Variants in SCAI observed in about 807,000 individuals in gnomAD.
SCAI encodes the protein suppressor of cancer cell invasion, also known as protein SCAI.
In SCAI, 24 loss-of-function variants were observed where a neutral mutation model predicts 92.2. The ratio of observed to expected loss-of-function variants is 0.26; its 90% confidence interval spans 0.19 to 0.37. The LOEUF (loss-of-function observed/expected upper bound fraction) is 0.37, where lower values mean the gene tolerates loss of function less well. Among genes scored for constraint, SCAI ranks in the 10% least tolerant of loss-of-function variants. The pLI, the probability that SCAI is intolerant of heterozygous loss-of-function variation, is 1.00. For synonymous variants in SCAI, 261 were observed against 258.6 expected (o/e 1.01, Z -0.09); for missense variants, 450 against 736.2 (o/e 0.61, Z 4.50).
At chr9:125,124,776 G>A (rs1486020514) in intron 2 of SCAI, among the ~76,000 whole-genome samples, 1 of 152,166 alleles carries the variant, frequency 6.6e-6, no homozygotes, top group Non-Finnish European at 1.5e-5. Flanking sequence ...TAACTGACTT[G>A]GCTCTATTTT....
chr9:125,010,011 G>A (rs959519547), intron 9 of SCAI, among the ~76,000 whole-genome samples: 15 of 152,172 alleles, frequency 9.9e-5, no homozygotes, highest in South Asian at 2.1e-4. Context: ...TGGTTAACAC[G>A]GTGAAACCCT....
intron 2 of SCAI, among the ~76,000 whole-genome samples, chr9:125,066,782 C>T (rs963891747): frequency 1.7e-4 from 26 of 152,020 alleles, no homozygotes; most frequent in African/African-American, 6.3e-4. Context: ...TGCAGTTGTG[C>T]TTGGAACCAT....
At chr9:125,055,234 T>C (rs1833637759) in intron 3 of SCAI, among the ~76,000 whole-genome samples, 1 of 152,212 alleles carries the variant, frequency 6.6e-6, no homozygotes, top group African/African-American at 2.4e-5. Flanking sequence ...TGTTTATCCC[T>C]AGAATTTTAC....
Position 124,945,884 on chromosome 9 carries a change from A to G in SCAI, c.*6923T>C, listed in dbSNP as rs1022119912. On this transcript the variant is annotated 3_prime_UTR_variant, in exon 18 of 18. Transcript: ENST00000336505. The stretch of plus-strand genomic sequence containing the variant: ...ATCACTTTTTTTTTTAAGTGGTCCC[A>G]TTATCCAGGAAAGACTGAGAGGTAC... The G allele has an allele frequency of 1.3e-5, 2 of 152,114 alleles. No homozygotes were observed. Among genetic ancestry groups the G allele is most frequent in the African/African-American group, 4.8e-5 (2 of 41,428 alleles). 9.4% of individuals were successfully genotyped at this position (152,114 alleles called of 1,614,324 possible). A position where few individuals can be genotyped will look rare whatever the true frequency, so the allele number is the denominator to read the frequency against.
chr9:125,047,537 A>G (rs893027791), intron 3 of SCAI, among the ~76,000 whole-genome samples: 2 of 152,238 alleles, frequency 1.3e-5, no homozygotes, highest in African/African-American at 4.8e-5. Flanking sequence ...GCAAGCTATT[A>G]GCATCTATGT....
chr9:125,141,775 T>G (rs1588261288), intron 2 of SCAI, among the ~76,000 whole-genome samples: 1 of 151,770 alleles, frequency 6.6e-6, no homozygotes, highest in African/African-American at 2.4e-5. Context: ...TGCATGATTT[T>G]GGGTAAATAT....
At chr9:124,965,085 C>A (rs1831513067) in intron 17 of SCAI, among the ~76,000 whole-genome samples, 1 of 150,966 alleles carries the variant, frequency 6.6e-6, no homozygotes, top group Non-Finnish European at 1.5e-5. Context: ...CTCGTGTTAT[C>A]TTAACATTTT....
intron 3 of SCAI, among the ~76,000 whole-genome samples, chr9:125,035,471 G>C (rs1833175718): frequency 6.6e-6 from 1 of 152,170 alleles, no homozygotes; most frequent in African/African-American, 2.4e-5. Context: ...CATCAATATG[G>C]TGTATGGATG....
At chr9:125,131,407 CA>C (rs200932061) in intron 2 of SCAI, among the ~76,000 whole-genome samples, 3,309 of 63,304 alleles carry the variant, frequency 0.052, 113 homozygotes, top group East Asian at 0.32. Flanking sequence ...GACTCCGTCT[CA>C]AAAAAAAAAA....
intron 2 of SCAI, among the ~76,000 whole-genome samples, chr9:125,069,918 G>A (rs1447047667): frequency 2.0e-5 from 3 of 152,016 alleles, no homozygotes; most frequent in South Asian, 2.1e-4. Context: ...CACCGTGCCC[G>A]GCCATGAGCT....
At chr9:125,039,385 C>CAAAAAAAAAAAAAAAAAAAGA (rs1833270209) in intron 3 of SCAI, among the ~76,000 whole-genome samples, 1 of 48,356 alleles carries the variant, frequency 2.1e-5, no homozygotes, top group African/African-American at 8.6e-5. Context: ...GACTCCATCT[C>CAAAAAAAAAAAAAAAAAAAGA]AAAAAAAAAA....
In SCAI at chr9:124,946,776, TATATC is replaced by T. The variant is rs1443620459; in HGVS notation, c.*6026_*6030del. On this transcript the variant is annotated 3_prime_UTR_variant, in exon 18 of 18. Transcript: ENST00000336505. The surrounding 1 kb of genome is among the most constrained non-coding windows in gnomAD (Gnocchi z 4.0). Reference sequence around the variant, plus strand: ...TTAAAAACTCTACTTCATGTGCGAATATATCATCAACTTGCAGAACACAAGTGGTC... The same window carrying T: ...TTAAAAACTCTACTTCATGTGCGAATATCAACTTGCAGAACACAAGTGGTC... 1 of 152,216 alleles carries T rather than the reference TATATC, an allele frequency of 6.6e-6. No homozygotes were observed. The highest frequency in any genetic ancestry group is 1.5e-5 in the Non-Finnish European group (1 of 68,030). The allele number at this position is 152,216 out of a possible 1,614,324, so 9.4% of individuals were successfully genotyped here. A position where few individuals can be genotyped will look rare whatever the true frequency, so the allele number is the denominator to read the frequency against.
chr9:125,013,696 TG>T (rs1349201425), intron 9 of SCAI, among the ~76,000 whole-genome samples: 1 of 152,174 alleles, frequency 6.6e-6, no homozygotes, highest in Non-Finnish European at 1.5e-5. Flanking sequence ...AGCATCATCC[TG>T]ATACCAAAGC....
chr9:125,084,052 G>A (rs1391596878), intron 2 of SCAI, among the ~76,000 whole-genome samples: 1 of 150,420 alleles, frequency 6.6e-6, no homozygotes, highest in East Asian at 2.0e-4. Flanking sequence ...TGTACTTGGT[G>A]TACGGAGGAA....
At chr9:125,061,970 T>C (rs1323557169) in intron 2 of SCAI, among the ~76,000 whole-genome samples, 1 of 152,034 alleles carries the variant, frequency 6.6e-6, no homozygotes, top group African/African-American at 2.4e-5. Context: ...AATGAAGATA[T>C]GTATGTGTTT....
intron 13 of SCAI, among the ~76,000 whole-genome samples, chr9:124,995,296 C>T (rs1832217312): frequency 6.6e-6 from 1 of 151,930 alleles, no homozygotes; most frequent in East Asian, 1.9e-4. Flanking sequence ...GCATGAAAAC[C>T]TCAGAAGCTG....
chr9:125,104,302 C>A (rs550552790), intron 2 of SCAI, among the ~76,000 whole-genome samples: 2 of 152,210 alleles, frequency 1.3e-5, no homozygotes, highest in South Asian at 2.1e-4. Context: ...CAGTAAGATG[C>A]ATACATGTTT....
chr9:125,103,720 C>T (rs1021880365), intron 2 of SCAI, among the ~76,000 whole-genome samples: 1 of 152,140 alleles, frequency 6.6e-6, no homozygotes, highest in Non-Finnish European at 1.5e-5. Context: ...CTTATCTTTT[C>T]GATTTCTCCT....
In SCAI at chr9:124,958,860, T is replaced by C. The variant is rs559943782; in HGVS notation, c.1675-5907A>G. Among the ~76,000 whole-genome samples the C allele has an allele frequency of 1.0e-3, 151 of 150,934 alleles. 6 individuals carry two copies. The South Asian group carries it at 0.031, about 31-fold the overall frequency. On this transcript the variant is annotated intron_variant, in intron 17 of 17. Transcript: ENST00000336505. ...AGGCAGAGGTTGCAGTGAGCCAAGATTGTGCCACTGCACTCCAGCCTGGGT... is the reference window on the plus strand; with the variant it reads ...AGGCAGAGGTTGCAGTGAGCCAAGACTGTGCCACTGCACTCCAGCCTGGGT...
Sources: allele counts gnomAD v4.1 joint callset (sites outside exome capture counted in the v4.1 genomes callset), GRCh38; gene constraint gnomAD v4.1.1; non-coding constraint Gnocchi (gnomAD v3.1); transcripts MANE v1.5; gene names NCBI Gene and HGNC (gene_info 2026-07-23, HGNC 2026-07-21).